Variants in HERC2 observed in about 807,000 individuals in gnomAD.
HERC2 encodes E3 ubiquitin-protein ligase HERC2.
In HERC2, 102 loss-of-function variants were observed where a neutral mutation model predicts 537.7. The ratio of observed to expected loss-of-function variants is 0.19; its 90% CI spans 0.16 to 0.22. The LOEUF (loss-of-function observed/expected upper bound fraction) is 0.22. HERC2 is among the 10% of genes least tolerant of loss of function. HERC2 has a pLI of 1.00. For synonymous variants in HERC2, 2,224 were observed against 2,466.2 expected (o/e 0.90, Z 2.91); for missense variants, 4,236 against 6,198.2 (o/e 0.68, Z 10.63).
chr15:28,192,183 C>G, intron 52 of HERC2, 32 bp from the exon 53 acceptor site: 2 of 1,556,700 alleles, frequency 1.3e-6, no homozygotes, highest in Non-Finnish European at 1.8e-6. Context: ...GAGAATTAAC[C>G]CTTGCTGAAC....
At chr15:28,196,609 C>T in intron 50 of HERC2, 40 bp from the exon 51 acceptor site, 10 of 1,187,454 alleles carry the variant, frequency 8.4e-6, no homozygotes, top group Non-Finnish European at 1.2e-5. Context: ...TCTTCCTCTT[C>T]ACCAATAAAA....
At chr15:28,303,582 G>A (rs1330452167) in intron 2 of HERC2, among the ~76,000 whole-genome samples, 4 of 151,898 alleles carry the variant, frequency 2.6e-5, no homozygotes, top group African/African-American at 4.8e-5. Flanking sequence ...CTATTTCTGT[G>A]AAGAATGTCA....
Position 28,111,418 on chromosome 15 carries a change from A to AG in HERC2, c.*344_*345insC. On this transcript the variant is annotated 3_prime_UTR_variant, in exon 93 of 93. Transcript: ENST00000261609. ...CTTGAAAGAAAGGAGAAAGAAAAAAAATCGATTGCACCCACAAGTAAAAAG... is the reference window on the plus strand; with the variant it reads ...CTTGAAAGAAAGGAGAAAGAAAAAAAGATCGATTGCACCCACAAGTAAAAAG... 3.5e-6 allele frequency: 1 copy of AG among 283,324 alleles called. No homozygotes were observed. The highest frequency in any genetic ancestry group is 2.2e-5 in the African/African-American group (1 of 46,126). The allele number at this position is 283,324 out of a possible 1,614,324, so 17.6% of individuals were successfully genotyped here.
chr15:28,186,412 T>C (rs1896312577), intron 56 of HERC2, among the ~76,000 whole-genome samples, 165 bp downstream of exon 56: 1 of 152,234 alleles, frequency 6.6e-6, no homozygotes, highest in African/African-American at 2.4e-5. Context: ...AAACACTTTA[T>C]TTTTTAAAAA....
chr15:28,171,179 GTA>G (rs1894658634), intron 65 of HERC2, among the ~76,000 whole-genome samples: 1 of 152,196 alleles, frequency 6.6e-6, no homozygotes, highest in Non-Finnish European at 1.5e-5. Context: ...ACATTCACCT[GTA>G]TATGAATGAC....
chr15:28,254,283 AC>A, intron 20 of HERC2, 56 bp downstream of exon 20: 1 of 1,288,314 alleles, frequency 7.8e-7, no homozygotes, highest in Non-Finnish European at 1.1e-6. Flanking sequence ...ACTCTGTCAC[AC>A]ACACAAAAAA....
rs1330599540 is a variant in HERC2 at position 28,274,995 on chromosome 15, C to T, written c.553G>A (p.Ala185Thr). The T allele has an allele frequency of 6.2e-7, 1 of 1,606,254 alleles. No homozygotes were observed. The highest frequency in any genetic ancestry group is 1.7e-5 in the Admixed American group (1 of 60,024). ...PPVDKKSSRP[A>T]GKGVEGLARV... The stretch of plus-strand genomic sequence containing the variant: ...GCGAGCCCCTCCACACCTTTGCCCG[C>T]AGGCCGGGAACTGCAGACGACACAC... Residue 185 changes from alanine to threonine, a missense_variant, in exon 6 of 93, where the codon GCG (alanine) becomes ACG (threonine). Physicochemically the swap from Ala to Thr is moderately conservative, Grantham distance 58 (BLOSUM62 0). Coordinates refer to ENST00000261609, the MANE Select transcript of HERC2 (RefSeq NM_004667.6).
chr15:28,270,965 C>A, intron 9 of HERC2, 97 bp from the exon 10 acceptor site: 1 of 960,494 alleles, frequency 1.0e-6, no homozygotes, highest in South Asian at 1.6e-5. Flanking sequence ...GGTATTGACT[C>A]ATTTGACCCA....
intron 65 of HERC2, among the ~76,000 whole-genome samples, chr15:28,173,734 T>C (rs1206785138): frequency 7.2e-6 from 1 of 139,270 alleles, no homozygotes; most frequent in Non-Finnish European, 1.5e-5. Context: ...GCCCAGGAGG[T>C]GGAAGCTGCA....
intron 35 of HERC2, among the ~76,000 whole-genome samples, chr15:28,224,970 T>C (rs1900964225): frequency 1.3e-5 from 2 of 152,202 alleles, no homozygotes; most frequent in Non-Finnish European, 2.9e-5. Context: ...TACCAAAACT[T>C]CTGTGCTGCG....
chr15:28,310,309 T>C (rs1228947535), intron 2 of HERC2, among the ~76,000 whole-genome samples: 2 of 151,454 alleles, frequency 1.3e-5, no homozygotes, highest in African/African-American at 4.8e-5. Flanking sequence ...TAGCCAGAGG[T>C]GGTGGCGCGC....
intron 9 of HERC2, 59 bp downstream of exon 9, chr15:28,272,156 C>A: frequency 6.8e-7 from 1 of 1,463,208 alleles, no homozygotes; most frequent in South Asian, 1.3e-5. Flanking sequence ...GCTAGTCTTG[C>A]TTTAAAAGTA....
intron 2 of HERC2, among the ~76,000 whole-genome samples, chr15:28,301,735 G>GTGTGTATATATA (rs1468330361): frequency 2.8e-5 from 1 of 35,378 alleles, no homozygotes; most frequent in Non-Finnish European, 5.0e-5. Context: ...GTATGTATGT[G>GTGTGTATATATA]TATATATATA....
intron 70 of HERC2, 102 bp from the exon 71 acceptor site, chr15:28,146,446 A>G: frequency 1.3e-6 from 1 of 759,130 alleles, no homozygotes; most frequent in Admixed American, 2.1e-5. Flanking sequence ...TGAATAGCAG[A>G]AAGTCAGAAA....
rs897257333 is a variant in HERC2, at chr15:28,160,720, G to A, written c.10746+2374C>T. On this transcript the variant is annotated intron_variant, in intron 69 of 92. Coordinates refer to ENST00000261609, the MANE Select transcript of HERC2 (RefSeq NM_004667.6). Reference sequence around the variant, plus strand: ...CCTCGCCCTGCTTCAGCTCATGCTCGGTGCACTGCACCCACTGTCCTGCAC... The same window carrying A: ...CCTCGCCCTGCTTCAGCTCATGCTCAGTGCACTGCACCCACTGTCCTGCAC... 7.9e-5 allele frequency among the ~76,000 whole-genome samples: 12 copies of A among 152,294 alleles called. 1 individual carries two copies. The highest frequency in any genetic ancestry group is 6.2e-4 in the South Asian group (3 of 4,826).
At chr15:28,146,885 G>A (rs1178456332) in intron 70 of HERC2, among the ~76,000 whole-genome samples, 1 of 133,006 alleles carries the variant, frequency 7.5e-6, no homozygotes, top group African/African-American at 3.0e-5. Context: ...CTGAGAGGCC[G>A]GGAAAGAGGC....
chr15:28,160,228 C>T lies in HERC2; in HGVS notation c.10746+2866G>A, dbSNP rs183349386. Among the ~76,000 whole-genome samples, 650 of 152,298 alleles carry T rather than the reference C, an allele frequency of 4.3e-3. 6 individuals are homozygous for T. The highest frequency in any genetic ancestry group is 0.015 in the African/African-American group (610 of 41,568). The stretch of plus-strand genomic sequence containing the variant: ...CTGTCCATTCTCAGGTCTCAAACTC[C>T]GTTCTGGGAGAACCACTACTCTCTT... On this transcript the variant is annotated intron_variant, in intron 69 of 92. Transcript: ENST00000261609.
chr15:28,164,241 C>T (rs1893907902), intron 68 of HERC2, among the ~76,000 whole-genome samples: 1 of 152,200 alleles, frequency 6.6e-6, no homozygotes, highest in South Asian at 2.1e-4. Flanking sequence ...TCCAGTGCAA[C>T]TCTTTCCACA....
intron 48 of HERC2, among the ~76,000 whole-genome samples, chr15:28,200,100 T>C (rs996092315): frequency 2.6e-5 from 4 of 152,118 alleles, no homozygotes; most frequent in Admixed American, 6.6e-5. Context: ...AGGGTCTTTA[T>C]AAGAAGAGAC....
Sources: gnomAD v4.1 joint callset for allele counts (sites outside exome capture counted in the v4.1 genomes callset) on GRCh38, gnomAD v4.1.1 for gene constraint, MANE v1.5 for transcripts, NCBI Gene and HGNC (gene_info 2026-07-23, HGNC 2026-07-21) for gene names.